CRADD: variants seen among roughly 807,000 people sequenced by gnomAD.
CRADD encodes the protein CARD and death domain containing adaptor protein.
A neutral mutation model predicts 15.5 loss-of-function variants in CRADD; 9 were observed. That is an observed-to-expected ratio of 0.58 (90% confidence interval 0.35 to 1.01). CRADD has a LOEUF of 1.01. Ranked by LOEUF, CRADD falls within the 50% of genes least tolerant of loss-of-function variation. The probability of loss-of-function intolerance (pLI) is 0.02; values close to 1 mark genes in which losing one functional copy is unlikely to be tolerated. For synonymous variants in CRADD, 118 were observed against 107.6 expected (o/e 1.10, Z -0.60); for missense variants, 227 against 250.3 (o/e 0.91, Z 0.63).
At position 93,760,925 on chromosome 12, in the gene CRADD, ATCAAGGGGAAG is replaced by A. The variant is rs1174142504; in HGVS notation, c.298+81854_298+81864del. Among the ~76,000 whole-genome samples, 339 of 152,066 alleles carry A rather than the reference ATCAAGGGGAAG, an allele frequency of 2.2e-3. 1 individual carries two copies. Among genetic ancestry groups the A allele is most frequent in the African/African-American group, 7.5e-3 (313 of 41,500 alleles). On this transcript the variant is annotated intron_variant, in intron 2 of 2. Coordinates refer to ENST00000332896, the MANE Select transcript of CRADD (RefSeq NM_003805.5). The stretch of plus-strand genomic sequence containing the variant: ...CATTTGAGCCAAAACCTAAGTGATG[ATCAAGGGGAAG>A]ACTGGTTCAAGCAGAGGGGCCTGTA...
intron 2 of CRADD, among the ~76,000 whole-genome samples, chr12:93,869,451 G>A (rs1958399884): frequency 6.6e-6 from 1 of 152,062 alleles, no homozygotes; most frequent in Admixed American, 6.6e-5. Context: ...CACAAACAAA[G>A]CAGGTATTGG....
rs185190958 is a variant in CRADD, at chr12:93,865,002, T to C, written c.299-29048T>C. On this transcript the variant is annotated intron_variant, in intron 2 of 2. Coordinates refer to the CRADD transcript ENST00000548483. Reference sequence around the variant, plus strand: ...ATTTGATGATGAATAAACAAATGAATGAGGGGTGCCTGGCTTTTACTCAGG... The same window carrying C: ...ATTTGATGATGAATAAACAAATGAACGAGGGGTGCCTGGCTTTTACTCAGG... 5.3e-5 allele frequency among the ~76,000 whole-genome samples: 8 copies of C among 152,308 alleles called. No homozygotes were observed. In the East Asian group the frequency reaches 1.5e-3, roughly 29 times the overall value.
intron 2 of CRADD, among the ~76,000 whole-genome samples, chr12:93,817,830 C>A (rs1409064438): frequency 1.3e-5 from 2 of 152,144 alleles, no homozygotes; most frequent in African/African-American, 4.8e-5. Flanking sequence ...GTCAGGGATC[C>A]TGTTGGCCTG....
At chr12:93,819,416 C>T (rs974803179) in intron 2 of CRADD, among the ~76,000 whole-genome samples, 1 of 152,186 alleles carries the variant, frequency 6.6e-6, no homozygotes, top group Non-Finnish European at 1.5e-5. Flanking sequence ...CCATTTCTGA[C>T]GTTTGAAGAG....
intron 2 of CRADD, among the ~76,000 whole-genome samples, chr12:93,774,593 A>G (rs546666046): frequency 6.6e-6 from 1 of 152,344 alleles, no homozygotes; most frequent in South Asian, 2.1e-4. Context: ...TATTCTGATC[A>G]TGATAGCTAG....
At chr12:93,780,195 C>T (rs1338381350) in intron 2 of CRADD, among the ~76,000 whole-genome samples, 1 of 146,676 alleles carries the variant, frequency 6.8e-6, no homozygotes, top group Non-Finnish European at 1.5e-5. Flanking sequence ...AACTATTTGG[C>T]TTCTCTTTCT....
chr12:93,882,745 T>A (rs1420450698), intron 2 of CRADD, among the ~76,000 whole-genome samples: 1 of 152,220 alleles, frequency 6.6e-6, no homozygotes, highest in Non-Finnish European at 1.5e-5. Flanking sequence ...GACAGCGTTG[T>A]CTTCAAGGGA....
chr12:93,719,404 A>C (rs982920709), intron 2 of CRADD, among the ~76,000 whole-genome samples: 2 of 152,078 alleles, frequency 1.3e-5, no homozygotes, highest in African/African-American at 4.8e-5. Flanking sequence ...ATTGGTCCAT[A>C]GTTTTCTTTT....
chr12:93,754,838 C>A (rs918166920), intron 2 of CRADD, among the ~76,000 whole-genome samples: 40 of 152,296 alleles, frequency 2.6e-4, no homozygotes, highest in African/African-American at 9.6e-4. Context: ...CTGCCTGTTA[C>A]CCAGTTCCAA....
chr12:93,788,385 A>G (rs1455651554), intron 2 of CRADD, among the ~76,000 whole-genome samples: 1 of 152,074 alleles, frequency 6.6e-6, no homozygotes, highest in Non-Finnish European at 1.5e-5. Context: ...CCCTCTCATG[A>G]CACGTGGGGA....
intron 2 of CRADD, among the ~76,000 whole-genome samples, chr12:93,765,300 T>G (rs937367323): frequency 3.3e-5 from 5 of 152,052 alleles, no homozygotes; most frequent in African/African-American, 1.2e-4. Flanking sequence ...TACAAGGAAG[T>G]TTTAGTAAAT....
intron 2 of CRADD, among the ~76,000 whole-genome samples, chr12:93,682,974 C>G (rs1023225991): frequency 6.6e-6 from 1 of 152,226 alleles, no homozygotes; most frequent in Admixed American, 6.5e-5. Context: ...GTTTGTCTCT[C>G]TGGCCAAGGT....
intron 2 of CRADD, chr12:93,894,031 CTCTT>C (rs1359771160): frequency 1.1e-5 from 8 of 702,398 alleles, no homozygotes; most frequent in African/African-American, 1.7e-5. Flanking sequence ...ATTTGACCTT[CTCTT>C]TCTTCTCATT....
intron 2 of CRADD, among the ~76,000 whole-genome samples, chr12:93,725,518 A>G (rs536337188): frequency 1.3e-5 from 2 of 151,862 alleles, no homozygotes; most frequent in Non-Finnish European, 2.9e-5. Context: ...TCTTACCCCA[A>G]TTCCTTTGTG....
At chr12:93,833,918 C>T (rs895504944) in intron 2 of CRADD, among the ~76,000 whole-genome samples, 4 of 152,082 alleles carry the variant, frequency 2.6e-5, no homozygotes, top group Non-Finnish European at 5.9e-5. Context: ...TTTGCTCAGT[C>T]TCTTCAAGTT....
At chr12:93,755,454 C>G (rs1042963205) in intron 2 of CRADD, among the ~76,000 whole-genome samples, 5 of 152,288 alleles carry the variant, frequency 3.3e-5, no homozygotes, top group African/African-American at 1.2e-4. Flanking sequence ...GAACTAACTA[C>G]CCTATGATTT....
At chr12:93,799,220 G>A (rs1957452324) in intron 2 of CRADD, among the ~76,000 whole-genome samples, 1 of 152,188 alleles carries the variant, frequency 6.6e-6, no homozygotes, top group Non-Finnish European at 1.5e-5. Flanking sequence ...AACAACGAAT[G>A]TAACCTTATT....
At chr12:93,752,928 G>A (rs1438797185) in intron 2 of CRADD, among the ~76,000 whole-genome samples, 1 of 152,168 alleles carries the variant, frequency 6.6e-6, no homozygotes, top group Non-Finnish European at 1.5e-5. Context: ...GACAAGAGAA[G>A]AGAGCTTGTG....
intron 2 of CRADD, among the ~76,000 whole-genome samples, chr12:93,806,938 C>A (rs1957546137): frequency 6.6e-6 from 1 of 152,164 alleles, no homozygotes; most frequent in Admixed American, 6.6e-5. Flanking sequence ...ATATGTACTA[C>A]TTTGTCCTGA....
Sources: allele counts gnomAD v4.1 joint callset (sites outside exome capture counted in the v4.1 genomes callset), GRCh38; gene constraint gnomAD v4.1.1; transcripts MANE v1.5; gene names NCBI Gene and HGNC (gene_info 2026-07-23, HGNC 2026-07-21).